Variants in ATP6V1H observed in about 807,000 individuals in gnomAD.
ATP6V1H encodes V-type proton ATPase subunit H.
A neutral mutation model predicts 71.7 loss-of-function variants in ATP6V1H; 39 were observed. That is an observed-to-expected ratio of 0.54 (90% CI 0.42 to 0.71). ATP6V1H has a LOEUF of 0.71. Ranked by LOEUF, ATP6V1H falls within the 30% of genes least tolerant of loss-of-function variation. The pLI is 0.00. For missense variants in ATP6V1H, 509 were observed against 594.9 expected (o/e 0.86, Z 1.50); for synonymous variants, 192 against 199.3 (o/e 0.96, Z 0.31).
At chr8:53,805,286 T>C (rs541405435) in intron 7 of ATP6V1H, among the ~76,000 whole-genome samples, 3 of 152,290 alleles carry the variant, frequency 2.0e-5, no homozygotes, top group Non-Finnish European at 2.9e-5. Flanking sequence ...GCACAGCACA[T>C]TGGTATCAGT....
chr8:53,769,562 T>C, intron 11 of ATP6V1H, 56 bp downstream of exon 11: 2 of 1,508,434 alleles, frequency 1.3e-6, no homozygotes, highest in East Asian at 4.7e-5. Context: ...AAACGAGTGT[T>C]GGTGAGGATT....
In ATP6V1H at chr8:53,797,010, T is replaced by A. The variant is rs1039133068; in HGVS notation, c.678-1171A>T. Among the ~76,000 whole-genome samples the A allele has an allele frequency of 7.2e-5, 11 of 152,380 alleles. No individual in the cohort carries two copies. The South Asian group carries it at 2.3e-3, about 32-fold the overall frequency. The stretch of plus-strand genomic sequence containing the variant: ...TTGCCTTGTCTTCTCTATTTTTGGA[T>A]GTTATGTAAAACTTGCTTTTTAATT... On this transcript the variant is annotated intron_variant, in intron 8 of 13. Coordinates refer to ENST00000359530, the MANE Select transcript of ATP6V1H (RefSeq NM_015941.4).
At chr8:53,722,442 G>C (rs536472121) in intron 13 of ATP6V1H, among the ~76,000 whole-genome samples, 1 of 152,336 alleles carries the variant, frequency 6.6e-6, no homozygotes, top group South Asian at 2.1e-4. Flanking sequence ...TGCAGTGTGG[G>C]AGAAATGCCT....
chr8:53,730,102 G>A (rs983454983), intron 13 of ATP6V1H, among the ~76,000 whole-genome samples: 3 of 152,198 alleles, frequency 2.0e-5, no homozygotes, highest in African/African-American at 7.2e-5. Context: ...GCCTGGCTAT[G>A]AATGTAGAAA....
chr8:53,782,805 G>A (rs1469286892), intron 9 of ATP6V1H, among the ~76,000 whole-genome samples: 1 of 152,118 alleles, frequency 6.6e-6, no homozygotes, highest in African/African-American at 2.4e-5. Context: ...ATAATCATGT[G>A]GTTTTTGTCT....
At chr8:53,755,001 C>T (rs1807951313) in intron 12 of ATP6V1H, among the ~76,000 whole-genome samples, 1 of 152,154 alleles carries the variant, frequency 6.6e-6, no homozygotes, top group South Asian at 2.1e-4. Flanking sequence ...GCAGGGGCTA[C>T]CATTATCTCT....
In ATP6V1H at chr8:53,801,885, A is replaced by G. The variant is rs778200705; in HGVS notation, c.591T>C (p.Tyr197=). 12 of 1,613,588 alleles carry G rather than the reference A, an allele frequency of 7.4e-6. No individual in the cohort carries two copies. In the East Asian group the frequency reaches 8.9e-5, roughly 12 times the overall value. ...GTVSSSDSSQ[Y]VQCVAGCLQL... is the part of the protein sequence containing the mutation. Reference sequence around the variant, plus strand: ...GCAAACACCCGGCCACGCACTGCACATACTGCGAACTCTGCACAAGAAGAA... The same window carrying G: ...GCAAACACCCGGCCACGCACTGCACGTACTGCGAACTCTGCACAAGAAGAA... Residue 197 remains tyrosine, a synonymous_variant, in exon 8 of 14, where the codon TAT becomes TAC. Transcript: ENST00000359530.
intron 11 of ATP6V1H, among the ~76,000 whole-genome samples, chr8:53,766,485 G>C (rs1279322528): frequency 6.6e-6 from 1 of 152,172 alleles, no homozygotes; most frequent in Non-Finnish European, 1.5e-5. Flanking sequence ...AAAAGAACAG[G>C]ATAATAGCAA....
intron 13 of ATP6V1H, among the ~76,000 whole-genome samples, chr8:53,728,067 T>G (rs1041214625): frequency 7.9e-5 from 12 of 152,236 alleles, no homozygotes; most frequent in African/African-American, 2.9e-4. Flanking sequence ...AGTTCCCACC[T>G]GGTTTCCTTG....
intron 13 of ATP6V1H, among the ~76,000 whole-genome samples, chr8:53,722,039 T>C (rs1409291281): frequency 6.6e-6 from 1 of 152,272 alleles, no homozygotes; most frequent in Non-Finnish European, 1.5e-5. Flanking sequence ...AAGCAATTTA[T>C]GTAAAATTTG....
At chr8:53,800,669 A>G (rs73587662) in intron 8 of ATP6V1H, among the ~76,000 whole-genome samples, 30 of 152,352 alleles carry the variant, frequency 2.0e-4, no homozygotes, top group African/African-American at 7.2e-4. Context: ...CTGCAGCAAG[A>G]ACCTAGATCA....
chr8:53,807,899 A>G (rs1344040567), intron 7 of ATP6V1H, among the ~76,000 whole-genome samples: 2 of 152,258 alleles, frequency 1.3e-5, no homozygotes, highest in Non-Finnish European at 2.9e-5. Context: ...CTCCAGAACC[A>G]CATATGGTTA....
intron 11 of ATP6V1H, among the ~76,000 whole-genome samples, chr8:53,765,003 G>T (rs1233600325): frequency 6.6e-6 from 1 of 152,096 alleles, no homozygotes; most frequent in Non-Finnish European, 1.5e-5. Flanking sequence ...TGCTCAAGAG[G>T]CTGAGATGGG....
intron 11 of ATP6V1H, among the ~76,000 whole-genome samples, chr8:53,768,667 T>C (rs1808548772): frequency 6.6e-6 from 1 of 152,006 alleles, no homozygotes. Flanking sequence ...TTACAGTACA[T>C]GAAAGAAGCC....
At chr8:53,732,661 A>AAAAAAAAAAAG (rs1191828332) in intron 13 of ATP6V1H, among the ~76,000 whole-genome samples, 1 of 150,266 alleles carries the variant, frequency 6.7e-6, no homozygotes, top group Non-Finnish European at 1.5e-5. Context: ...CTTATTGCAA[A>AAAAAAAAAAAG]AAAAAAAAAA....
chr8:53,806,213 G>A lies in ATP6V1H; in HGVS notation c.580-4317C>T, dbSNP rs541974837. 9.9e-5 allele frequency among the ~76,000 whole-genome samples: 15 copies of A among 151,734 alleles called. No homozygotes were observed. In the East Asian group the frequency reaches 2.1e-3, roughly 22 times the overall value. ...ACTTAATCTCGAAAATTGTTTTCTC[G>A]TTAGCAAAGGAAAAGAAAAATAATA... On this transcript the variant is annotated intron_variant, in intron 7 of 13. Coordinates refer to ENST00000359530, the MANE Select transcript of ATP6V1H (RefSeq NM_015941.4).
At chr8:53,753,039 A>C (rs554405537) in intron 12 of ATP6V1H, among the ~76,000 whole-genome samples, 1 of 147,938 alleles carries the variant, frequency 6.8e-6, no homozygotes, top group Non-Finnish European at 1.5e-5. Context: ...GTTTGGGGGG[A>C]AAAAAAAAAC....
At chr8:53,764,260 A>G (rs764167688) in intron 11 of ATP6V1H, among the ~76,000 whole-genome samples, 2 of 152,338 alleles carry the variant, frequency 1.3e-5, no homozygotes, top group Non-Finnish European at 2.9e-5. Context: ...TCTCATGAAC[A>G]TAGATGCAAA....
intron 12 of ATP6V1H, among the ~76,000 whole-genome samples, chr8:53,746,035 T>C (rs1184626838): frequency 6.6e-6 from 1 of 152,204 alleles, no homozygotes; most frequent in Non-Finnish European, 1.5e-5. Context: ...AAAATAGGAC[T>C]GATTAAAAAC....
Sources: allele counts gnomAD v4.1 joint callset (sites outside exome capture counted in the v4.1 genomes callset), GRCh38; gene constraint gnomAD v4.1.1; transcripts MANE v1.5; gene names NCBI Gene and HGNC (gene_info 2026-07-23, HGNC 2026-07-21).